Variants in ARHGEF28 observed in about 807,000 individuals in gnomAD.
ARHGEF28 encodes the protein 190 kDa guanine nucleotide exchange factor.
A neutral mutation model predicts 206.6 loss-of-function variants in ARHGEF28; 152 were observed. The ratio of observed to expected loss-of-function variants is 0.74; its 90% CI spans 0.64 to 0.84. ARHGEF28 has a LOEUF of 0.84. ARHGEF28 is among the 40% of genes least tolerant of loss of function. ARHGEF28 has a pLI of 0.00. For synonymous variants in ARHGEF28, 763 were observed against 776.4 expected (o/e 0.98, Z 0.29); for missense variants, 2,028 against 2,073.2 (o/e 0.98, Z 0.42).
intron 9 of ARHGEF28, among the ~76,000 whole-genome samples, chr5:73,795,836 T>C (rs1175186394): frequency 6.7e-6 from 1 of 150,252 alleles, no homozygotes; most frequent in African/African-American, 2.5e-5. Context: ...TGGGGTCCCC[T>C]TGGAGCTGAG....
intron 35 of ARHGEF28, among the ~76,000 whole-genome samples, chr5:73,922,828 C>T (rs1763592498): frequency 6.6e-6 from 1 of 152,134 alleles, no homozygotes; most frequent in Admixed American, 6.5e-5. Flanking sequence ...GGATTTATTC[C>T]TATCAAAAAG....
At chr5:73,719,538 CTT>C (rs1749798879) in intron 2 of ARHGEF28, among the ~76,000 whole-genome samples, 1 of 152,054 alleles carries the variant, frequency 6.6e-6, no homozygotes. Context: ...TGACATTTCT[CTT>C]TTCCTTTCTG....
rs139612622 is a variant in ARHGEF28, at chr5:73,772,166, G to A, written c.476-1689G>A. Among the ~76,000 whole-genome samples the A allele has an allele frequency of 4.4e-3, 662 of 152,086 alleles. 3 individuals are homozygous for A. Among genetic ancestry groups the A allele is most frequent in the African/African-American group, 0.015 (634 of 41,482 alleles). On this transcript the variant is annotated intron_variant, in intron 4 of 35. Coordinates refer to ENST00000513042, the MANE Select transcript of ARHGEF28 (RefSeq NM_001177693.2). ...AGCCTTTTATTTGCATTCATTTATG[G>A]TGGAGTGTTTCCTTCTAATTGTTTC...
At chr5:73,896,861 C>G (rs1426713332) in intron 29 of ARHGEF28, among the ~76,000 whole-genome samples, 1 of 152,220 alleles carries the variant, frequency 6.6e-6, no homozygotes, top group Non-Finnish European at 1.5e-5. Context: ...GACAGAGGTG[C>G]CGGGGCAGCG....
At chr5:73,665,633 G>T (rs1176823829) in intron 1 of ARHGEF28, among the ~76,000 whole-genome samples, 1 of 152,150 alleles carries the variant, frequency 6.6e-6, no homozygotes, top group African/African-American at 2.4e-5. Context: ...CATGGCAGAA[G>T]GGCAAGAGAG....
intron 2 of ARHGEF28, among the ~76,000 whole-genome samples, chr5:73,704,374 C>T (rs183141131): frequency 6.6e-6 from 1 of 152,288 alleles, no homozygotes; most frequent in Admixed American, 6.5e-5. Flanking sequence ...AGTGCAGAGG[C>T]AGGAAGCCTG....
intron 2 of ARHGEF28, among the ~76,000 whole-genome samples, chr5:73,705,359 C>A (rs988009200): frequency 2.0e-5 from 3 of 152,240 alleles, no homozygotes; most frequent in Non-Finnish European, 2.9e-5. Context: ...ACCTTCTTTA[C>A]TCATCCATGG....
At chr5:73,798,133 G>C (rs2962278) in intron 9 of ARHGEF28, among the ~76,000 whole-genome samples, 2 of 151,780 alleles carry the variant, frequency 1.3e-5, no homozygotes, top group African/African-American at 4.8e-5. Flanking sequence ...TTTAGGGTAC[G>C]TGAGATGTTT....
At chr5:73,632,149 G>A (rs1743408587) in intron 1 of ARHGEF28, among the ~76,000 whole-genome samples, 1 of 152,210 alleles carries the variant, frequency 6.6e-6, no homozygotes, top group African/African-American at 2.4e-5. Context: ...ACCACTGCAA[G>A]TACTAGTGGT....
At chr5:73,691,339 A>T (rs1747817455) in intron 2 of ARHGEF28, among the ~76,000 whole-genome samples, 1 of 152,062 alleles carries the variant, frequency 6.6e-6, no homozygotes, top group African/African-American at 2.4e-5. Context: ...TTTCATAAGG[A>T]ATTATACGGG....
At chr5:73,827,870 A>G (rs1757010249) in intron 9 of ARHGEF28, 1 of 152,248 alleles carries the variant, frequency 6.6e-6, no homozygotes, top group Non-Finnish European at 1.5e-5. Flanking sequence ...TTATTTCTAT[A>G]TGCTCATTGA....
At position 73,774,038 on chromosome 5, in the gene ARHGEF28, A is replaced by C; in HGVS notation, c.659A>C (p.Asn220Thr). ...TCCAAGCTGGTGGAAGACGTCACAA[A>C]GTGAGTTTAGCTACTTGATAGTCTC... ...GHSKLVEDVTNFQGRWSPSFS... is the reference protein window; with the variant it reads ...GHSKLVEDVTTFQGRWSPSFS... The change falls in exon 5 of 36, where the codon AAT becomes ACT. Residue 220 changes from asparagine to threonine, a missense_variant and splice_region_variant. Coordinates refer to ENST00000513042, the MANE Select transcript of ARHGEF28 (RefSeq NM_001177693.2). 1 of 1,584,344 alleles carries C rather than the reference A, an allele frequency of 6.3e-7. No homozygotes were observed. The highest frequency in any genetic ancestry group is 8.6e-7 in the Non-Finnish European group (1 of 1,164,718).
At chr5:73,897,132 C>G (rs973246820) in intron 29 of ARHGEF28, among the ~76,000 whole-genome samples, 2 of 152,228 alleles carry the variant, frequency 1.3e-5, no homozygotes, top group Admixed American at 6.5e-5. Context: ...TGAAACCCAT[C>G]CATCCTTCCA....
intron 17 of ARHGEF28, 50 bp downstream of exon 17, chr5:73,864,922 G>A (rs371634495): frequency 6.4e-5 from 97 of 1,527,426 alleles, no homozygotes; most frequent in Non-Finnish European, 8.1e-5. Flanking sequence ...TTGCTTCATA[G>A]TATCTATTTG....
intron 4 of ARHGEF28, among the ~76,000 whole-genome samples, chr5:73,770,913 CAGA>C (rs1753186133): frequency 6.6e-6 from 1 of 152,090 alleles, no homozygotes; most frequent in Non-Finnish European, 1.5e-5. Flanking sequence ...AGGATGGAGC[CAGA>C]AGGAGAGAAG....
At chr5:73,929,784 G>A (rs1007476136) in intron 35 of ARHGEF28, among the ~76,000 whole-genome samples, 7 of 152,018 alleles carry the variant, frequency 4.6e-5, no homozygotes, top group African/African-American at 1.7e-4. Flanking sequence ...CTTAAAGTTG[G>A]TGGATATGAT....
At chr5:73,843,006 AGTCT>A (rs1758079190) in intron 11 of ARHGEF28, among the ~76,000 whole-genome samples, 1 of 143,896 alleles carries the variant, frequency 6.9e-6, no homozygotes, top group Non-Finnish European at 1.5e-5. Flanking sequence ...AAAAAAAAAA[AGTCT>A]GTCAGGTGTG....
chr5:73,872,894 CTTTTT>C (rs996477075), intron 21 of ARHGEF28, 100 bp from the exon 22 acceptor site: 3 of 1,263,382 alleles, frequency 2.4e-6, no homozygotes, highest in Non-Finnish European at 3.2e-6. Flanking sequence ...CTAAACATTT[CTTTTT>C]TATTTGCGTA....
At chr5:73,638,039 T>C (rs1202997811) in intron 1 of ARHGEF28, among the ~76,000 whole-genome samples, 1 of 152,242 alleles carries the variant, frequency 6.6e-6, no homozygotes, top group African/African-American at 2.4e-5. Context: ...ATTGATGTTT[T>C]AATTAAAATC....
Sources: gnomAD v4.1 joint callset for allele counts (sites outside exome capture counted in the v4.1 genomes callset) on GRCh38, gnomAD v4.1.1 for gene constraint, MANE v1.5 for transcripts, NCBI Gene and HGNC (gene_info 2026-07-23, HGNC 2026-07-21) for gene names.